Variants in CTNNA3 observed in about 807,000 individuals in gnomAD.
The protein encoded by CTNNA3 is catenin alpha 3, also known as catenin alpha-3.
In CTNNA3, 76 loss-of-function variants were observed where a neutral mutation model predicts 95.7. The observed-to-expected ratio is 0.79, with a 90% CI of 0.66 to 0.96. The LOEUF is 0.96. CTNNA3 is among the 40% of genes least tolerant of loss of function. The pLI is 0.00. For missense variants in CTNNA3, 1,191 were observed against 1,089.8 expected, an observed-to-expected ratio of 1.09 and a Z score of -1.31; for synonymous variants, 431 against 374.4, an observed-to-expected ratio of 1.15 and a Z score of -1.74.
At chr10:66,529,644 T>A (rs1049762140) in intron 10 of CTNNA3, among the ~76,000 whole-genome samples, 1 of 152,072 alleles carries the variant, frequency 6.6e-6, no homozygotes, top group South Asian at 2.1e-4. Context: ...AGTGTAGGAG[T>A]TATAAAAATA....
At chr10:66,652,375 C>A (rs1459163606) in intron 9 of CTNNA3, among the ~76,000 whole-genome samples, 1 of 151,952 alleles carries the variant, frequency 6.6e-6, no homozygotes, top group South Asian at 2.1e-4. Flanking sequence ...AATTATATTT[C>A]AATAATTGAA....
intron 7 of CTNNA3, among the ~76,000 whole-genome samples, chr10:66,976,575 T>C (rs1850044100): frequency 6.6e-6 from 1 of 152,180 alleles, no homozygotes. Flanking sequence ...AAATCTACAG[T>C]GACTTCCCTA....
Position 66,195,325 on chromosome 10 carries a change from A to G in CTNNA3, c.1884+85145T>C, listed in dbSNP as rs562064211. Among the ~76,000 whole-genome samples the G allele has an allele frequency of 7.2e-5, 11 of 152,324 alleles. No homozygotes were observed. In the South Asian group the frequency reaches 2.1e-3, roughly 29 times the overall value. ...TAAAATGCAATCTTACAGCTGCTAT[A>G]TGATATACCACCAGTGTGAAATAAA... On this transcript the variant is annotated intron_variant, in intron 13 of 17. Coordinates refer to ENST00000433211, the MANE Select transcript of CTNNA3 (RefSeq NM_013266.4).
At chr10:66,565,615 G>A (rs565519373) in intron 10 of CTNNA3, among the ~76,000 whole-genome samples, 5 of 152,306 alleles carry the variant, frequency 3.3e-5, no homozygotes, top group African/African-American at 1.2e-4. Flanking sequence ...AGGATGGCAG[G>A]TTGCCTGCTG....
intron 17 of CTNNA3, among the ~76,000 whole-genome samples, chr10:65,957,673 T>C (rs1023201816): frequency 6.6e-6 from 1 of 152,208 alleles, no homozygotes; most frequent in African/African-American, 2.4e-5. Context: ...GGATATCAAA[T>C]TCTGGGTTGA....
intron 5 of CTNNA3, among the ~76,000 whole-genome samples, chr10:67,223,118 G>A (rs891177304): frequency 2.0e-5 from 3 of 152,150 alleles, no homozygotes; most frequent in Middle Eastern, 3.2e-3. Flanking sequence ...CAAATATAAC[G>A]TTACAGCAGT....
chr10:66,843,076 GAAAATC>G (rs1247656607), intron 7 of CTNNA3, among the ~76,000 whole-genome samples: 1 of 152,128 alleles, frequency 6.6e-6, no homozygotes, highest in African/African-American at 2.4e-5. Flanking sequence ...ACAGAGGTTG[GAAAATC>G]AATACCCTGT....
chr10:67,533,022 C>G (rs555276264), intron 4 of CTNNA3, among the ~76,000 whole-genome samples: 1 of 152,234 alleles, frequency 6.6e-6, no homozygotes, highest in East Asian at 1.9e-4. Context: ...TAAAATTGAC[C>G]CTTAGAAATC....
chr10:67,344,364 G>C (rs977118667), intron 5 of CTNNA3, among the ~76,000 whole-genome samples: 21 of 152,060 alleles, frequency 1.4e-4, no homozygotes, highest in African/African-American at 4.8e-4. Flanking sequence ...TGGCCTCAAA[G>C]AGAGAGTTTG....
chr10:66,779,227 CT>C (rs1282394076), intron 7 of CTNNA3, among the ~76,000 whole-genome samples: 4 of 152,260 alleles, frequency 2.6e-5, no homozygotes, highest in South Asian at 2.1e-4. Flanking sequence ...CTTAATGGGT[CT>C]TTTCTATTCT....
At chr10:67,592,759 T>G (rs998333506) in intron 3 of CTNNA3, among the ~76,000 whole-genome samples, 7 of 152,310 alleles carry the variant, frequency 4.6e-5, no homozygotes, top group African/African-American at 1.7e-4. Context: ...TACATATGAC[T>G]AATCCTCTCA....
At chr10:67,740,887 T>G (rs1476611245) in intron 1 of CTNNA3, among the ~76,000 whole-genome samples, 7 of 151,086 alleles carry the variant, frequency 4.6e-5, no homozygotes, top group Non-Finnish European at 8.9e-5. Flanking sequence ...CTATTCACAA[T>G]AGCAAAGACT....
intron 7 of CTNNA3, among the ~76,000 whole-genome samples, chr10:66,922,084 AAT>A (rs1345497654): frequency 4.6e-5 from 7 of 152,226 alleles, no homozygotes; most frequent in Non-Finnish European, 8.8e-5. Flanking sequence ...ATTTAAACAA[AAT>A]ATGTTTAGCT....
Position 66,621,812 on chromosome 10 carries a change from T to C in CTNNA3, c.1282-28A>G, listed in dbSNP as rs199610144. ...TAAATACAATCCAAAATAATGGAAA[T>C]TATTTTAGATTAGCAAGGAAATGCA... On this transcript the variant is annotated intron_variant, in intron 9 of 17. Coordinates refer to ENST00000433211, the MANE Select transcript of CTNNA3 (RefSeq NM_013266.4). 4.2e-6 allele frequency: 6 copies of C among 1,412,404 alleles called. No homozygotes were observed. In the East Asian group the frequency reaches 1.2e-4, roughly 27 times the overall value. The allele number at this position is 1,412,404 out of a possible 1,614,324, so 87.5% of individuals were successfully genotyped here. A position where few individuals can be genotyped will look rare whatever the true frequency, so the allele number is the denominator to read the frequency against.
chr10:67,159,951 C>T (rs756473845), intron 7 of CTNNA3, among the ~76,000 whole-genome samples: 19 of 152,046 alleles, frequency 1.2e-4, no homozygotes, highest in Non-Finnish European at 2.5e-4. Context: ...TGGAAGGAAA[C>T]ATTTGCAAAT....
intron 5 of CTNNA3, among the ~76,000 whole-genome samples, chr10:67,395,217 T>G (rs184094475): frequency 1.3e-5 from 2 of 152,330 alleles, no homozygotes; most frequent in East Asian, 3.9e-4. Context: ...AGGCTAATGA[T>G]GCTTAAAAGA....
chr10:66,102,574 A>AT (rs1311937652), intron 14 of CTNNA3, among the ~76,000 whole-genome samples: 3 of 152,188 alleles, frequency 2.0e-5, no homozygotes, highest in Non-Finnish European at 4.4e-5. Context: ...GTTGCAAGCG[A>AT]TAAGTGGCTA....
At chr10:67,388,339 G>A (rs1218547980) in intron 5 of CTNNA3, among the ~76,000 whole-genome samples, 2 of 141,216 alleles carry the variant, frequency 1.4e-5, no homozygotes, top group East Asian at 2.0e-4. Context: ...ATGAAATGAC[G>A]TGAGAAGGGA....
chr10:66,848,179 T>A (rs986366248), intron 7 of CTNNA3, among the ~76,000 whole-genome samples: 1 of 152,226 alleles, frequency 6.6e-6, no homozygotes, highest in Admixed American at 6.5e-5. Flanking sequence ...TGATTTTCAA[T>A]AGGGAACTGT....
Sources: gnomAD v4.1 joint callset for allele counts (sites outside exome capture counted in the v4.1 genomes callset) on GRCh38, gnomAD v4.1.1 for gene constraint, MANE v1.5 for transcripts, NCBI Gene and HGNC (gene_info 2026-07-23, HGNC 2026-07-21) for gene names.